RAI14: variants seen among roughly 807,000 people sequenced by gnomAD.
The protein encoded by RAI14 is retinoic acid induced 14.
Under a neutral mutation model 115.4 loss-of-function variants are expected in RAI14, and 45 were observed. The ratio of observed to expected loss-of-function variants is 0.39; its 90% CI spans 0.31 to 0.50. RAI14 has a LOEUF of 0.50. Among genes scored for constraint, RAI14 ranks in the 20% least tolerant of loss-of-function variants. The pLI is 0.85. For synonymous variants in RAI14, 371 were observed against 415.4 expected (o/e 0.89, Z 1.30); for missense variants, 939 against 1,131.2 (o/e 0.83, Z 2.44).
intron 2 of RAI14, among the ~76,000 whole-genome samples, chr5:34,738,466 C>A (rs1745129462): frequency 1.3e-5 from 2 of 152,154 alleles, no homozygotes; most frequent in South Asian, 2.1e-4. Flanking sequence ...GGGAGCAGTG[C>A]CCTTTTCTTG....
chr5:34,669,562 C>T (rs1743475504), intron 1 of RAI14, among the ~76,000 whole-genome samples: 2 of 152,218 alleles, frequency 1.3e-5, no homozygotes, highest in East Asian at 1.9e-4. Context: ...GGGTGGCAGG[C>T]CGCTGGCTGT....
chr5:34,758,356 A>G (rs1319406378), intron 3 of RAI14, among the ~76,000 whole-genome samples: 1 of 152,196 alleles, frequency 6.6e-6, no homozygotes, highest in African/African-American at 2.4e-5. Flanking sequence ...GTAGTTTTAT[A>G]TCTTTTCTTT....
chr5:34,709,919 A>G (rs1449593979), intron 2 of RAI14, among the ~76,000 whole-genome samples: 1 of 152,218 alleles, frequency 6.6e-6, no homozygotes, highest in East Asian at 1.9e-4. Flanking sequence ...TTGTTTTCAA[A>G]CCATCCCGAA....
At chr5:34,710,981 T>C (rs1208826546) in intron 2 of RAI14, among the ~76,000 whole-genome samples, 1 of 152,208 alleles carries the variant, frequency 6.6e-6, no homozygotes, top group Non-Finnish European at 1.5e-5. Context: ...TTTGACTGAC[T>C]AGGTTTGACC....
chr5:34,660,393 G>T (rs1057057673), intron 1 of RAI14, among the ~76,000 whole-genome samples: 2 of 152,124 alleles, frequency 1.3e-5, no homozygotes, highest in African/African-American at 4.8e-5. Context: ...GATCCCACCG[G>T]CCATTGTACT....
At chr5:34,687,547 C>G (rs1738001220) in intron 2 of RAI14, 1 of 1,421,266 alleles carries the variant, frequency 7.0e-7, no homozygotes, top group Admixed American at 2.8e-5. Context: ...TAAAGTCTCC[C>G]CCAGGAGAAG....
At chr5:34,661,407 T>C (rs1216869130) in intron 1 of RAI14, among the ~76,000 whole-genome samples, 2 of 152,210 alleles carry the variant, frequency 1.3e-5, no homozygotes, top group East Asian at 3.9e-4. Flanking sequence ...AACAGATGTT[T>C]GATGAACAAA....
intron 10 of RAI14, 144 bp downstream of exon 10, chr5:34,812,352 T>C: frequency 1.2e-6 from 1 of 852,830 alleles, no homozygotes; most frequent in Non-Finnish European, 1.8e-6. Flanking sequence ...TTTGAATAAA[T>C]AAGTCATTGT....
chr5:34,746,391 C>T lies in RAI14; in HGVS notation c.37-11077C>T, dbSNP rs192252180. 8.4e-3 allele frequency among the ~76,000 whole-genome samples: 1,215 copies of T among 144,658 alleles called. 9 individuals carry two copies. The highest frequency in any genetic ancestry group is 0.03 in the African/African-American group (1,155 of 38,870). 94.9% of individuals were successfully genotyped at this position (144,658 alleles called of 152,430 possible). A position where few individuals can be genotyped will look rare whatever the true frequency, so the allele number is the denominator to read the frequency against. On this transcript the variant is annotated intron_variant, in intron 2 of 17. Transcript: ENST00000265109. Reference sequence around the variant, plus strand: ...AAGTGCTGGGATTACAGGTGTGAGCCGCTGCGCCTGGCCTTTTTTTTTTTT... The same window carrying T: ...AAGTGCTGGGATTACAGGTGTGAGCTGCTGCGCCTGGCCTTTTTTTTTTTT...
chr5:34,720,087 T>C (rs1742476101), intron 2 of RAI14, among the ~76,000 whole-genome samples: 1 of 152,198 alleles, frequency 6.6e-6, no homozygotes, highest in South Asian at 2.1e-4. Context: ...GAATGAGAAT[T>C]CTTCCTTATG....
intron 1 of RAI14, among the ~76,000 whole-genome samples, chr5:34,677,832 A>G (rs978090272): frequency 1.1e-4 from 16 of 152,162 alleles, no homozygotes; most frequent in African/African-American, 2.7e-4. Flanking sequence ...AGAGTCCTCA[A>G]TGTTGGTGAA....
intron 2 of RAI14, among the ~76,000 whole-genome samples, chr5:34,733,422 G>A (rs1561289641): frequency 1.3e-5 from 2 of 152,208 alleles, no homozygotes; most frequent in African/African-American, 4.8e-5. Flanking sequence ...TCAAGTTAAT[G>A]AGGTGTACAT....
Position 34,778,355 on chromosome 5 carries a change from C to G in RAI14, c.168-17584C>G, listed in dbSNP as rs577295651. Among the ~76,000 whole-genome samples the G allele has an allele frequency of 3.3e-5, 5 of 152,232 alleles. No individual in the cohort carries two copies. The South Asian group carries it at 1.0e-3, about 32-fold the overall frequency. The stretch of plus-strand genomic sequence containing the variant: ...TTCCCCAGGCCACTCTTTAAGTTAG[C>G]CAAGACTTAGGCTGTCAAAGTGTTA... On this transcript the variant is annotated intron_variant, in intron 3 of 17. Coordinates refer to ENST00000265109, the MANE Select transcript of RAI14 (RefSeq NM_015577.3).
At chr5:34,798,709 T>C (rs1753841823) in intron 4 of RAI14, among the ~76,000 whole-genome samples, 1 of 152,220 alleles carries the variant, frequency 6.6e-6, no homozygotes. Flanking sequence ...CAGGAAGACC[T>C]GGATGCCCCA....
chr5:34,724,914 G>A (rs1031330222), intron 2 of RAI14, among the ~76,000 whole-genome samples: 2 of 152,098 alleles, frequency 1.3e-5, no homozygotes, highest in Admixed American at 1.3e-4. Context: ...GCTTTTCTAA[G>A]GCAATAGGCT....
rs980034302 is a variant in RAI14 at position 34,808,396 on chromosome 5, T to G, written c.380-188T>G. On this transcript the variant is annotated intron_variant, in intron 6 of 17. Transcript: ENST00000265109. The stretch of plus-strand genomic sequence containing the variant: ...GTCATTGGCTTTAGGCCTGCATAAC[T>G]CTGAAATTAAGCAGTAATTTTAAAC... Among the ~76,000 whole-genome samples the G allele has an allele frequency of 2.0e-5, 3 of 152,220 alleles. No homozygotes were observed. In the South Asian group the frequency reaches 6.2e-4, roughly 32 times the overall value.
intron 2 of RAI14, among the ~76,000 whole-genome samples, chr5:34,721,291 GTATATATATATATATA>G (rs10538679): frequency 0.015 from 2,014 of 131,172 alleles, 64 homozygotes; most frequent in African/African-American, 0.053. Context: ...ATGTAGATGT[GTATATATATATATATA>G]TATATATATA....
At chr5:34,760,189 C>T (rs190428423) in intron 3 of RAI14, among the ~76,000 whole-genome samples, 1 of 152,248 alleles carries the variant, frequency 6.6e-6, no homozygotes, top group Admixed American at 6.5e-5. Context: ...GCTGGGACTA[C>T]AGGCATGCAC....
At chr5:34,830,077 C>T (rs1007392009) in intron 17 of RAI14, among the ~76,000 whole-genome samples, 2 of 152,084 alleles carry the variant, frequency 1.3e-5, no homozygotes, top group African/African-American at 2.4e-5. Context: ...CCTCGACCCA[C>T]GGGCTCAAGT....
Sources: gnomAD v4.1 joint callset for allele counts (sites outside exome capture counted in the v4.1 genomes callset) on GRCh38, gnomAD v4.1.1 for gene constraint, MANE v1.5 for transcripts, NCBI Gene and HGNC (gene_info 2026-07-23, HGNC 2026-07-21) for gene names.